Variants in ILRUN observed in about 807,000 individuals in gnomAD.
ILRUN encodes inflammation and lipid regulator with UBA-like and NBR1-like domains.
Under a neutral mutation model 33.8 loss-of-function variants are expected in ILRUN, and 3 were observed. The observed-to-expected ratio is 0.09, with a 90% CI of 0.04 to 0.23. The LOEUF is 0.23. Ranked by LOEUF, ILRUN falls within the 10% of genes least tolerant of loss-of-function variation. The pLI, the probability that ILRUN is intolerant of heterozygous loss-of-function variation, is 1.00. For synonymous variants in ILRUN, 124 were observed against 138.9 expected (o/e 0.89, Z 0.75); for missense variants, 210 against 375.1 (o/e 0.56, Z 3.64).
chr6:34,676,258 G>A (rs540309399), intron 1 of ILRUN, among the ~76,000 whole-genome samples: 1 of 151,832 alleles, frequency 6.6e-6, no homozygotes, highest in African/African-American at 2.4e-5. Flanking sequence ...AAAATGCTGG[G>A]CATGGCAGCA....
chr6:34,671,439 A>G (rs1763115972), intron 1 of ILRUN, among the ~76,000 whole-genome samples: 1 of 152,218 alleles, frequency 6.6e-6, no homozygotes, highest in African/African-American at 2.4e-5. Context: ...AACTAATCCC[A>G]TCAACCAGAG....
At position 34,653,415 on chromosome 6, in the gene ILRUN, G is replaced by A. The variant is rs1762709961; in HGVS notation, c.313+1210C>T. Among the ~76,000 whole-genome samples the A allele has an allele frequency of 4.0e-5, 6 of 151,870 alleles. No individual in the cohort carries two copies. In the South Asian group the frequency reaches 1.0e-3, roughly 26 times the overall value. ...CCGGTTAATTTCTGTATTTTTAGAT[G>A]GGGTTTCATCATGTTGGCCCAACTG... is the stretch of plus-strand genomic sequence containing the variant. On this transcript the variant is annotated intron_variant, in intron 2 of 4. Coordinates refer to ENST00000374023, the MANE Select transcript of ILRUN (RefSeq NM_024294.4).
Position 34,635,330 on chromosome 6 carries a change from G to A in ILRUN, c.511+11271C>T, listed in dbSNP as rs114872927. 8.6e-3 allele frequency among the ~76,000 whole-genome samples: 1,313 copies of A among 152,186 alleles called. 9 individuals carry two copies. The highest frequency in any genetic ancestry group is 0.024 in the Middle Eastern group (7 of 294). ...GGACTGCATGAGTCTAGGAGTTTGAGACCACCCTGGGCAACATAGCAAAAC... is the reference window on the plus strand; with the variant it reads ...GGACTGCATGAGTCTAGGAGTTTGAAACCACCCTGGGCAACATAGCAAAAC... On this transcript the variant is annotated intron_variant, in intron 3 of 4. Transcript: ENST00000374023.
intron 1 of ILRUN, among the ~76,000 whole-genome samples, chr6:34,693,016 T>C (rs1763678328): frequency 6.6e-6 from 1 of 152,134 alleles, no homozygotes; most frequent in Non-Finnish European, 1.5e-5. Context: ...AGGTTGAGGC[T>C]GTAGTGAGCC....
At chr6:34,639,343 T>C (rs1330970227) in intron 3 of ILRUN, among the ~76,000 whole-genome samples, 1 of 152,186 alleles carries the variant, frequency 6.6e-6, no homozygotes, top group Non-Finnish European at 1.5e-5. Flanking sequence ...AATCAGACTA[T>C]CACTTGACTT....
At chr6:34,674,958 G>C (rs891291885) in intron 1 of ILRUN, among the ~76,000 whole-genome samples, 1 of 151,932 alleles carries the variant, frequency 6.6e-6, no homozygotes, top group Non-Finnish European at 1.5e-5. Flanking sequence ...TGAATAACTG[G>C]ACATGCGCAC....
At chr6:34,607,523 A>T (rs1273621879) in intron 3 of ILRUN, among the ~76,000 whole-genome samples, 1 of 152,228 alleles carries the variant, frequency 6.6e-6, no homozygotes, top group Non-Finnish European at 1.5e-5. Flanking sequence ...CAGACTTTCT[A>T]AAATACCCAA....
chr6:34,683,465 T>TATATAC (rs1562033019), intron 1 of ILRUN, among the ~76,000 whole-genome samples: 3 of 102,140 alleles, frequency 2.9e-5, no homozygotes, highest in African/African-American at 5.5e-5. Flanking sequence ...TATATATACA[T>TATATAC]ATATATACAC....
chr6:34,635,569 G>GGAAGGAAGGA (rs1562011652), intron 3 of ILRUN, among the ~76,000 whole-genome samples: 80 of 110,924 alleles, frequency 7.2e-4, no homozygotes, highest in African/African-American at 2.6e-3. Context: ...GGAAGGAAGG[G>GGAAGGAAGGA]AGGGAGGGAG....
intron 1 of ILRUN, among the ~76,000 whole-genome samples, chr6:34,670,036 C>T (rs565732398): frequency 2.0e-5 from 3 of 152,080 alleles, no homozygotes; most frequent in Admixed American, 6.5e-5. Context: ...CTCAGCCTCC[C>T]GAGTAGCTGG....
intron 1 of ILRUN, among the ~76,000 whole-genome samples, chr6:34,657,792 T>C (rs1453218955): frequency 6.6e-6 from 1 of 152,060 alleles, no homozygotes; most frequent in Non-Finnish European, 1.5e-5. Context: ...TGTCAGAAAG[T>C]AGACATGATA....
rs528133769 is a variant in ILRUN at position 34,662,305 on chromosome 6, CAAAAAAAAAAA to C, written c.159-7537_159-7527del. On this transcript the variant is annotated intron_variant, in intron 1 of 4. Transcript: ENST00000374023. ...TGGGTGACAGAGCAAGACTCCGTCT[CAAAAAAAAAAA>C]AAAAGAAAAAGAAAAGAAAAAGACA... Among the ~76,000 whole-genome samples, 27 of 75,188 alleles carry C rather than the reference CAAAAAAAAAAA, an allele frequency of 3.6e-4. No individual in the cohort carries two copies. The East Asian group carries it at 7.4e-3, about 21-fold the overall frequency. 49.3% of individuals were successfully genotyped at this position (75,188 alleles called of 152,430 possible). A position where few individuals can be genotyped will look rare whatever the true frequency, so the allele number is the denominator to read the frequency against.
At chr6:34,634,183 C>A (rs1403370133) in intron 3 of ILRUN, among the ~76,000 whole-genome samples, 1 of 152,056 alleles carries the variant, frequency 6.6e-6, no homozygotes, top group Admixed American at 6.5e-5. Flanking sequence ...AAATTAAACA[C>A]CACACTTCTG....
At chr6:34,670,740 C>T (rs1194900563) in intron 1 of ILRUN, among the ~76,000 whole-genome samples, 2 of 150,648 alleles carry the variant, frequency 1.3e-5, no homozygotes, top group Admixed American at 6.6e-5. Context: ...CCTGTAGTCC[C>T]AGCTACTCAG....
At chr6:34,677,947 CAAAAAAAAAAAAA>C (rs200840957) in intron 1 of ILRUN, among the ~76,000 whole-genome samples, 2 of 74,370 alleles carry the variant, frequency 2.7e-5, no homozygotes, top group African/African-American at 1.0e-4. Context: ...ATCCTGCCTC[CAAAAAAAAAAAAA>C]AAAAAAAAAG....
At position 34,588,306 on chromosome 6, in the gene ILRUN, C is replaced by A; in HGVS notation, c.*2259G>T. The A allele has an allele frequency of 5.0e-6, 2 of 398,354 alleles. No individual in the cohort carries two copies. Among genetic ancestry groups the A allele is most frequent in the Non-Finnish European group, 4.4e-6 (1 of 226,060 alleles). The allele number at this position is 398,354 out of a possible 1,614,324, so 24.7% of individuals were successfully genotyped here. A position where few individuals can be genotyped will look rare whatever the true frequency, so the allele number is the denominator to read the frequency against. ...AAGCAAGAGGAAGAGCAAGACGACT[C>A]TGGCAGGCCCAGACCCACTGACGGT... On this transcript the variant is annotated 3_prime_UTR_variant, in exon 5 of 5. Transcript: ENST00000374023.
At chr6:34,654,557 T>C in intron 2 of ILRUN, 68 bp downstream of exon 2, 1 of 1,484,268 alleles carries the variant, frequency 6.7e-7, no homozygotes, top group East Asian at 2.3e-5. Flanking sequence ...AGCTAAAACA[T>C]TTCCTTCTTA....
intron 3 of ILRUN, among the ~76,000 whole-genome samples, chr6:34,641,097 A>G (rs1222411861): frequency 2.0e-5 from 3 of 151,092 alleles, no homozygotes; most frequent in African/African-American, 4.9e-5. Flanking sequence ...AAAAAAAAAA[A>G]CAAATTATAG....
intron 1 of ILRUN, among the ~76,000 whole-genome samples, chr6:34,692,594 A>G (rs1392947501): frequency 2.0e-5 from 3 of 152,178 alleles, no homozygotes; most frequent in Non-Finnish European, 4.4e-5. Context: ...CATTATGTGT[A>G]TATGTATTTA....
Sources: allele counts gnomAD v4.1 joint callset (sites outside exome capture counted in the v4.1 genomes callset), GRCh38; gene constraint gnomAD v4.1.1; transcripts MANE v1.5; gene names NCBI Gene and HGNC (gene_info 2026-07-23, HGNC 2026-07-21).